Variants in WDR64 observed in about 807,000 individuals in gnomAD.
WDR64 encodes the protein WD repeat domain 64.
In WDR64, 112 loss-of-function variants were observed where a neutral mutation model predicts 139.3. The observed-to-expected ratio is 0.80, with a 90% CI of 0.69 to 0.94. WDR64 has a LOEUF of 0.94. Ranked by LOEUF, WDR64 falls within the 40% of genes least tolerant of loss-of-function variation. The pLI, the probability that WDR64 is intolerant of heterozygous loss-of-function variation, is 0.00. For missense variants in WDR64, 1,206 were observed against 1,293.1 expected, an observed-to-expected ratio of 0.93 and a Z score of 1.03; for synonymous variants, 444 against 437.7, an observed-to-expected ratio of 1.01 and a Z score of -0.18.
chr1:241,710,798 G>C (rs1160477597), intron 8 of WDR64, among the ~76,000 whole-genome samples: 1 of 152,220 alleles, frequency 6.6e-6, no homozygotes, highest in African/African-American at 2.4e-5. Flanking sequence ...GGCCAGGCCA[G>C]CCAGGTAAAA....
intron 23 of WDR64, among the ~76,000 whole-genome samples, chr1:241,787,503 A>G (rs1659082180): frequency 1.3e-5 from 2 of 151,994 alleles, no homozygotes; most frequent in African/African-American, 2.4e-5. Flanking sequence ...CGTCTCTACT[A>G]AAAATACAAG....
chr1:241,751,050 C>T (rs1669960867), intron 14 of WDR64, among the ~76,000 whole-genome samples: 1 of 152,022 alleles, frequency 6.6e-6, no homozygotes, highest in Admixed American at 6.6e-5. Flanking sequence ...ATTTGATTTA[C>T]ATACTTATTT....
intron 10 of WDR64, among the ~76,000 whole-genome samples, chr1:241,726,459 C>G (rs1309871251): frequency 6.6e-6 from 1 of 151,988 alleles, no homozygotes; most frequent in Non-Finnish European, 1.5e-5. Context: ...CTAAAACTCA[C>G]AGAACCTTAC....
At chr1:241,752,046 C>T (rs528079736) in intron 14 of WDR64, among the ~76,000 whole-genome samples, 1 of 152,288 alleles carries the variant, frequency 6.6e-6, no homozygotes, top group East Asian at 1.9e-4. Context: ...CATTCAAATT[C>T]TAAAGACCCA....
At chr1:241,682,107 C>T (rs534828433) in intron 6 of WDR64, among the ~76,000 whole-genome samples, 4 of 152,226 alleles carry the variant, frequency 2.6e-5, no homozygotes, top group East Asian at 1.9e-4. Flanking sequence ...TTCTTTTTGC[C>T]GTGCAAAAGC....
chr1:241,652,391 C>T lies in WDR64; in HGVS notation c.-94C>T, dbSNP rs1474081755. ...ATTAGACCTAGGGCAAAAACTGAGA[C>T]AGCAGGGAGGCACTGTAACAACTGG... On this transcript the variant is annotated 5_prime_UTR_variant, in exon 1 of 28. Transcript: ENST00000437684. 7 of 1,328,724 alleles carry T rather than the reference C, an allele frequency of 5.3e-6. No homozygotes were observed. Among genetic ancestry groups the T allele is most frequent in the Non-Finnish European group, 7.1e-6 (7 of 982,362 alleles). 82.3% of individuals were successfully genotyped at this position (1,328,724 alleles called of 1,614,324 possible).
At chr1:241,675,249 T>TTCCTCCCTCCCTTCTTCCTTCCCCCC (rs1388286485) in intron 4 of WDR64, among the ~76,000 whole-genome samples, 1 of 95,004 alleles carries the variant, frequency 1.1e-5, no homozygotes, top group Admixed American at 1.1e-4. Context: ...TCCTCCCTCC[T>TTCCTCCCTCCCTTCTTCCTTCCCCCC]TCCTTCCTCC....
At chr1:241,698,765 T>C (rs1427075664) in intron 8 of WDR64, among the ~76,000 whole-genome samples, 1 of 152,156 alleles carries the variant, frequency 6.6e-6, no homozygotes, top group Non-Finnish European at 1.5e-5. Flanking sequence ...TCCTGACCAC[T>C]CCTCAGCACC....
At chr1:241,783,501 TAAGTA>T in intron 23 of WDR64, 120 bp downstream of exon 23, 1 of 704,140 alleles carries the variant, frequency 1.4e-6, no homozygotes, top group Non-Finnish European at 2.3e-6. Context: ...TTTAAATAAA[TAAGTA>T]AATAGATGAC....
chr1:241,675,133 T>TCCCTCCCTCCTTCCTTCC (rs1558466184), intron 4 of WDR64, among the ~76,000 whole-genome samples: 5 of 3,892 alleles, frequency 1.3e-3, no homozygotes, highest in Non-Finnish European at 2.6e-3. Flanking sequence ...CCTTCCCTCC[T>TCCCTCCCTCCTTCCTTCC]TCCCTCCCTT....
intron 9 of WDR64, among the ~76,000 whole-genome samples, chr1:241,713,409 G>A (rs1668264427): frequency 9.2e-6 from 1 of 108,136 alleles, no homozygotes; most frequent in Non-Finnish European, 2.0e-5. Context: ...GAGGGAGGGA[G>A]GAAGGGAAGG....
intron 2 of WDR64, among the ~76,000 whole-genome samples, chr1:241,667,794 A>G (rs1666076296): frequency 6.6e-6 from 1 of 152,230 alleles, no homozygotes; most frequent in African/African-American, 2.4e-5. Context: ...TCATATTAGG[A>G]AAATGAGAGC....
At chr1:241,751,391 T>C (rs777443093) in intron 14 of WDR64, among the ~76,000 whole-genome samples, 1 of 152,018 alleles carries the variant, frequency 6.6e-6, no homozygotes, top group Non-Finnish European at 1.5e-5. Context: ...GAGCTGAGAG[T>C]GGAATGGAGG....
chr1:241,749,504 T>C, intron 13 of WDR64, 43 bp from the exon 14 acceptor site: 2 of 1,582,910 alleles, frequency 1.3e-6, no homozygotes, highest in Non-Finnish European at 1.7e-6. Context: ...AAGCTTTCTC[T>C]AAGTCATTTT....
At position 241,738,350 on chromosome 1, in the gene WDR64, G is replaced by C. The variant is rs1264265293; in HGVS notation, c.1195-13G>C. 6.2e-7 allele frequency: 1 copy of C among 1,610,424 alleles called. No individual in the cohort carries two copies. Among genetic ancestry groups the C allele is most frequent in the Non-Finnish European group, 8.5e-7 (1 of 1,178,910 alleles). On this transcript the variant is annotated splice_polypyrimidine_tract_variant and intron_variant, in intron 10 of 27. Coordinates refer to ENST00000437684, the MANE Select transcript of WDR64 (RefSeq NM_001367482.1). Reference sequence around the variant, plus strand: ...GTATAAATAGTGGTAAACTGTGTTTGTTATTCTTCCAGGTTTTCCGGGTGT... The same window carrying C: ...GTATAAATAGTGGTAAACTGTGTTTCTTATTCTTCCAGGTTTTCCGGGTGT...
intron 15 of WDR64, among the ~76,000 whole-genome samples, chr1:241,765,045 G>C (rs1436726380): frequency 1.3e-5 from 2 of 152,072 alleles, no homozygotes; most frequent in Non-Finnish European, 2.9e-5. Context: ...ACATTAGCCA[G>C]GCATGGTAGC....
chr1:241,757,503 T>A (rs1670244362), intron 15 of WDR64, 44 bp downstream of exon 15: 2 of 1,538,922 alleles, frequency 1.3e-6, no homozygotes, highest in South Asian at 2.5e-5. Flanking sequence ...TGCTTTTTGT[T>A]ATGGAAATTT....
chr1:241,710,917 T>C (rs75419209), intron 8 of WDR64, among the ~76,000 whole-genome samples: 1,607 of 152,030 alleles, frequency 0.011, 30 homozygotes, highest in African/African-American at 0.037. Flanking sequence ...GGGATTTGGG[T>C]TGGGAATGAG....
chr1:241,793,250 C>T (rs571396759), intron 25 of WDR64, among the ~76,000 whole-genome samples: 1 of 152,116 alleles, frequency 6.6e-6, no homozygotes, highest in Non-Finnish European at 1.5e-5. Context: ...GAATTAAAAA[C>T]ACAAAATTCT....
Sources: gnomAD v4.1 joint callset for allele counts (sites outside exome capture counted in the v4.1 genomes callset) on GRCh38, gnomAD v4.1.1 for gene constraint, MANE v1.5 for transcripts, NCBI Gene and HGNC (gene_info 2026-07-23, HGNC 2026-07-21) for gene names.